The following COA1 variants were observed in gnomAD, a reference collection of about 807,000 sequenced individuals.
COA1 encodes cytochrome c oxidase assembly factor 1.
COA1 carries 13 observed loss-of-function variants against 16.0 expected under a neutral mutation model. The ratio of observed to expected loss-of-function variants is 0.81; its 90% CI spans 0.53 to 1.29. The LOEUF is 1.29. Among genes scored for constraint, COA1 ranks in the 50% most tolerant of loss-of-function variants. COA1 has a pLI of 0.00. For missense variants in COA1, 179 were observed against 177.0 expected (o/e 1.01, Z -0.06); for synonymous variants, 65 against 65.7 (o/e 0.99, Z 0.05).
chr7:43,693,342 T>C (rs1473479978), intron 1 of COA1, among the ~76,000 whole-genome samples: 5 of 152,220 alleles, frequency 3.3e-5, no homozygotes, highest in Admixed American at 6.5e-5. Flanking sequence ...CTCCTGGCTA[T>C]GACACTCTCT....
chr7:43,638,517 C>T (rs532264155), downstream of COA1, among the ~76,000 whole-genome samples: 137 of 151,312 alleles, frequency 9.1e-4, no homozygotes, highest in African/African-American at 3.1e-3. Flanking sequence ...TGGATAAGAA[C>T]CTATTAGCTT....
At chr7:43,721,887 T>C (rs563719471) in intron 1 of COA1, among the ~76,000 whole-genome samples, 10 of 146,712 alleles carry the variant, frequency 6.8e-5, no homozygotes, top group Admixed American at 2.1e-4. Flanking sequence ...TTGCTACTTA[T>C]AGCTCAAAGG....
At chr7:43,692,728 A>G (rs1374818619) in intron 1 of COA1, among the ~76,000 whole-genome samples, 1 of 152,196 alleles carries the variant, frequency 6.6e-6, no homozygotes. Context: ...CAACAGAAAA[A>G]AGAGTCATGA....
intron 6 of COA1, among the ~76,000 whole-genome samples, chr7:43,615,934 A>T (rs1208630576): frequency 6.6e-6 from 1 of 152,156 alleles, no homozygotes; most frequent in South Asian, 2.1e-4. Context: ...TAACATGCCC[A>T]TGCACACACC....
intron 6 of COA1, among the ~76,000 whole-genome samples, chr7:43,615,641 A>T (rs886381236): frequency 3.3e-5 from 5 of 152,114 alleles, no homozygotes; most frequent in Non-Finnish European, 7.4e-5. Context: ...TTTACTCCAG[A>T]ATAGCCTACA....
At chr7:43,703,658 TC>T (rs1019974784) in intron 1 of COA1, among the ~76,000 whole-genome samples, 2 of 152,164 alleles carry the variant, frequency 1.3e-5, no homozygotes, top group African/African-American at 4.8e-5. Context: ...AAAATAGCAA[TC>T]CCTGCTCTGT....
intron 1 of COA1, among the ~76,000 whole-genome samples, chr7:43,703,452 G>T (rs923650575): frequency 6.6e-6 from 1 of 152,094 alleles, no homozygotes; most frequent in Non-Finnish European, 1.5e-5. Flanking sequence ...CACTATTGTT[G>T]TGTGGTCATC....
chr7:43,704,186 C>A (rs2094876409), intron 1 of COA1, among the ~76,000 whole-genome samples: 1 of 152,178 alleles, frequency 6.6e-6, no homozygotes, highest in South Asian at 2.1e-4. Flanking sequence ...CTCCTATTAG[C>A]TGGATGGGGC....
downstream of COA1, chr7:43,638,970 A>C (rs1481003298): frequency 6.6e-6 from 1 of 152,340 alleles, no homozygotes; most frequent in Non-Finnish European, 1.5e-5. Context: ...GTTTGGAATA[A>C]AAACAATTAT....
intron 1 of COA1, among the ~76,000 whole-genome samples, chr7:43,653,462 A>G (rs563731035): frequency 6.6e-6 from 1 of 152,344 alleles, no homozygotes; most frequent in South Asian, 2.1e-4. Flanking sequence ...AAACATGATA[A>G]AAGTTTTTTT....
chr7:43,714,093 AG>A (rs2095328919), intron 1 of COA1, among the ~76,000 whole-genome samples: 1 of 152,160 alleles, frequency 6.6e-6, no homozygotes, highest in African/African-American at 2.4e-5. Flanking sequence ...GCTACTCAGG[AG>A]GGAGGATCAC....
At chr7:43,660,428 T>C (rs964725761) in intron 1 of COA1, among the ~76,000 whole-genome samples, 20 of 152,150 alleles carry the variant, frequency 1.3e-4, no homozygotes, top group African/African-American at 4.8e-4. Flanking sequence ...GTCATCCTCA[T>C]AAAAACAAAA....
intron 1 of COA1, among the ~76,000 whole-genome samples, chr7:43,676,030 T>C (rs1284549161): frequency 6.6e-6 from 1 of 152,174 alleles, no homozygotes; most frequent in Non-Finnish European, 1.5e-5. Flanking sequence ...ATGGGAATCC[T>C]ATCCCTGCTC....
At chr7:43,723,970 A>G (rs17654227) in intron 1 of COA1, among the ~76,000 whole-genome samples, 22,358 of 152,160 alleles carry the variant, frequency 0.15, 2,186 homozygotes, top group Non-Finnish European at 0.21. Context: ...AGATGTTTAC[A>G]ATTTGGAAAA....
chr7:43,637,314 A>C (rs1340984947), downstream of COA1, among the ~76,000 whole-genome samples: 1 of 152,158 alleles, frequency 6.6e-6, no homozygotes, highest in African/African-American at 2.4e-5. Flanking sequence ...GAGGCCCTGC[A>C]GCCTCTTCTA....
intron 6 of COA1, among the ~76,000 whole-genome samples, chr7:43,610,764 A>G (rs926650391): frequency 2.0e-5 from 3 of 152,110 alleles, no homozygotes; most frequent in Non-Finnish European, 4.4e-5. Flanking sequence ...ATATATGTAT[A>G]TATTTAATAC....
In COA1 at chr7:43,608,563, C is replaced by T. The variant is rs566127762; in HGVS notation, c.*1066G>A. The T allele has an allele frequency of 1.3e-4, 99 of 734,022 alleles. 1 individual carries two copies. In the South Asian group the frequency reaches 2.0e-3, roughly 15 times the overall value. 45.5% of individuals were successfully genotyped at this position (734,022 alleles called of 1,614,324 possible). A position where few individuals can be genotyped will look rare whatever the true frequency, so the allele number is the denominator to read the frequency against. On this transcript the variant is annotated 3_prime_UTR_variant and NMD_transcript_variant, in exon 7 of 7. Coordinates refer to the COA1 transcript ENST00000415076. ...CTATCCTCTAGCCAGTTAGTTTTAT[C>T]AGGGAGATAATGCACACATGTGTAC...
intron 1 of COA1, among the ~76,000 whole-genome samples, chr7:43,688,331 C>T (rs1246243967): frequency 6.7e-6 from 1 of 149,776 alleles, no homozygotes; most frequent in Non-Finnish European, 1.5e-5. Context: ...GATTCAAATA[C>T]AACTTGAATA....
chr7:43,667,801 G>A (rs1290006486), intron 1 of COA1, among the ~76,000 whole-genome samples: 3 of 152,070 alleles, frequency 2.0e-5, no homozygotes, highest in Admixed American at 6.6e-5. Flanking sequence ...TTTGACTTTC[G>A]CTTGCAATAT....
Sources: gnomAD v4.1 joint callset for allele counts (sites outside exome capture counted in the v4.1 genomes callset) on GRCh38, gnomAD v4.1.1 for gene constraint, MANE v1.5 for transcripts, NCBI Gene and HGNC (gene_info 2026-07-23, HGNC 2026-07-21) for gene names.